The following ATXN1 variants were observed in gnomAD, a reference collection of about 807,000 sequenced individuals.
The protein encoded by ATXN1 is ataxin-1.
A neutral mutation model predicts 56.4 loss-of-function variants in ATXN1; 8 were observed. That is an observed-to-expected ratio of 0.14 (90% confidence interval 0.08 to 0.26). The LOEUF (loss-of-function observed/expected upper bound fraction) is 0.26, where lower values mean the gene tolerates loss of function less well. Ranked by LOEUF, ATXN1 falls within the 10% of genes least tolerant of loss-of-function variation. The probability of loss-of-function intolerance (pLI) is 1.00; values close to 1 mark genes in which losing one functional copy is unlikely to be tolerated. For synonymous variants in ATXN1, 514 were observed against 494.6 expected (o/e 1.04, Z -0.52); for missense variants, 987 against 1,106.5 (o/e 0.89, Z 1.53).
At chr6:16,373,998 C>T (rs1409626189) in intron 6 of ATXN1, among the ~76,000 whole-genome samples, 1 of 152,082 alleles carries the variant, frequency 6.6e-6, no homozygotes, top group Non-Finnish European at 1.5e-5. Flanking sequence ...TGTAAATAGG[C>T]ACATGTTACA....
At chr6:16,732,550 A>T (rs1469817733) in intron 2 of ATXN1, among the ~76,000 whole-genome samples, 1 of 152,152 alleles carries the variant, frequency 6.6e-6, no homozygotes, top group Non-Finnish European at 1.5e-5. Flanking sequence ...AAGTCTGGGT[A>T]ACAGAGTGAG....
intron 2 of ATXN1, among the ~76,000 whole-genome samples, chr6:16,678,727 G>A (rs1758736758): frequency 6.6e-6 from 1 of 152,140 alleles, no homozygotes; most frequent in Non-Finnish European, 1.5e-5. Flanking sequence ...AGGAAGGCAG[G>A]GAAAGAGAAA....
intron 5 of ATXN1, among the ~76,000 whole-genome samples, chr6:16,505,007 T>C (rs1024908110): frequency 3.3e-5 from 5 of 151,590 alleles, no homozygotes; most frequent in Non-Finnish European, 5.9e-5. Flanking sequence ...TTTTTTTTTT[T>C]TTTAGCTTTA....
intron 2 of ATXN1, among the ~76,000 whole-genome samples, chr6:16,683,380 G>C (rs189987380): frequency 8.5e-4 from 130 of 152,316 alleles, no homozygotes; most frequent in African/African-American, 2.9e-3. Context: ...AGGATAAAGA[G>C]GGCAGTTTCT....
intron 6 of ATXN1, among the ~76,000 whole-genome samples, chr6:16,341,189 G>A (rs1198429338): frequency 6.6e-6 from 1 of 152,176 alleles, no homozygotes; most frequent in East Asian, 1.9e-4. Context: ...TACAAAGGAG[G>A]ATGCACATGT....
At chr6:16,329,280 G>A (rs561270068) in intron 6 of ATXN1, among the ~76,000 whole-genome samples, 2 of 152,202 alleles carry the variant, frequency 1.3e-5, no homozygotes, top group African/African-American at 4.8e-5. Flanking sequence ...GGTTAGCAGT[G>A]AAAGTCCAGA....
chr6:16,630,874 C>T (rs9477187), intron 3 of ATXN1, among the ~76,000 whole-genome samples: 21 of 152,152 alleles, frequency 1.4e-4, no homozygotes, highest in Non-Finnish European at 2.6e-4. Context: ...AGAGAGGTTT[C>T]ATTATGTAAA....
At chr6:16,715,514 A>T (rs1041703639) in intron 2 of ATXN1, among the ~76,000 whole-genome samples, 20 of 152,212 alleles carry the variant, frequency 1.3e-4, no homozygotes, top group Non-Finnish European at 2.4e-4. Context: ...AACTCTTAAT[A>T]TCTGTTGATC....
intron 2 of ATXN1, among the ~76,000 whole-genome samples, chr6:16,722,954 G>C (rs1429003761): frequency 6.6e-6 from 1 of 152,164 alleles, no homozygotes; most frequent in Middle Eastern, 3.2e-3. Context: ...AAATACAGAA[G>C]TATTTTCTAC....
At chr6:16,319,430 A>G (rs1438482901) in intron 7 of ATXN1, among the ~76,000 whole-genome samples, 1 of 152,172 alleles carries the variant, frequency 6.6e-6, no homozygotes, top group Non-Finnish European at 1.5e-5. Flanking sequence ...AGTGGGTGCC[A>G]GGAGTTTCAG....
chr6:16,490,663 G>T (rs1760641699), intron 5 of ATXN1, among the ~76,000 whole-genome samples: 1 of 152,000 alleles, frequency 6.6e-6, no homozygotes, highest in South Asian at 2.1e-4. Flanking sequence ...CTTTTATTTA[G>T]TAGACTAGCA....
rs760779569 is a variant in ATXN1, at chr6:16,327,076, T to C, written c.1235A>G (p.Asp412Gly). 1.9e-6 allele frequency: 3 copies of C among 1,613,892 alleles called. No homozygotes were observed. Among genetic ancestry groups the C allele is most frequent in the Non-Finnish European group, 8.5e-7 (1 of 1,180,006 alleles). Residue 412 changes from aspartate (D) to glycine (G), a missense_variant, in exon 7 of 8, where the codon GAC (aspartate) becomes GGC (glycine). By Grantham distance (94) the Asp-to-Gly change is moderately conservative. Around this residue, in one of 3 missense-constraint regions of ATXN1, gnomAD observed 723 missense variants for 791.7 expected, o/e 0.91. Coordinates refer to ENST00000436367, the MANE Select transcript of ATXN1 (RefSeq NM_001128164.2). Reference protein sequence around the residue: ...HREASPSTLNDKSGLHLGKPG... With the variant: ...HREASPSTLNGKSGLHLGKPG... ...CTTCCCTAAATGCAGGCCACTTTTG[T>C]CGTTGAGGGTAGAAGGGGAGGCTTC...
At chr6:16,552,014 C>T (rs993557451) in intron 4 of ATXN1, among the ~76,000 whole-genome samples, 3 of 152,138 alleles carry the variant, frequency 2.0e-5, no homozygotes, top group African/African-American at 2.4e-5. Flanking sequence ...CACCTGTGTG[C>T]GTATAGGATG....
At chr6:16,576,597 C>T (rs1762426106) in intron 4 of ATXN1, among the ~76,000 whole-genome samples, 3 of 152,160 alleles carry the variant, frequency 2.0e-5, no homozygotes, top group Non-Finnish European at 4.4e-5. Context: ...ACTTTAATTA[C>T]AATAGTAAAT....
intron 5 of ATXN1, among the ~76,000 whole-genome samples, chr6:16,496,592 A>G (rs1235243935): frequency 6.6e-6 from 1 of 152,130 alleles, no homozygotes; most frequent in Non-Finnish European, 1.5e-5. Flanking sequence ...TGCAATTTCA[A>G]TGCAAATAAA....
At chr6:16,587,172 G>C (rs1762640811) in intron 3 of ATXN1, among the ~76,000 whole-genome samples, 1 of 152,162 alleles carries the variant, frequency 6.6e-6, no homozygotes, top group African/African-American at 2.4e-5. Flanking sequence ...TTTCAACTGA[G>C]TGTAAGTTGG....
chr6:16,604,545 G>A (rs1762968280), intron 3 of ATXN1, among the ~76,000 whole-genome samples: 2 of 149,864 alleles, frequency 1.3e-5, no homozygotes, highest in Admixed American at 6.7e-5. Context: ...AATGTCTCAG[G>A]AAGAAGTTGT....
chr6:16,715,733 A>G (rs1231566031), intron 2 of ATXN1, among the ~76,000 whole-genome samples: 1 of 152,208 alleles, frequency 6.6e-6, no homozygotes, highest in African/African-American at 2.4e-5. Flanking sequence ...GGTCTCCCAT[A>G]TGTTTTGGAA....
chr6:16,464,056 C>A (rs1760051900), intron 6 of ATXN1, among the ~76,000 whole-genome samples: 2 of 152,200 alleles, frequency 1.3e-5, no homozygotes, highest in African/African-American at 4.8e-5. Context: ...CTAGAGCAGT[C>A]ATCACCCAGT....
Sources: allele counts gnomAD v4.1 joint callset (sites outside exome capture counted in the v4.1 genomes callset), GRCh38; gene constraint gnomAD v4.1.1; regional missense constraint gnomAD v4.1.1; transcripts MANE v1.5; gene names NCBI Gene and HGNC (gene_info 2026-07-23, HGNC 2026-07-21).